Variants in CSRNP3 observed in about 807,000 individuals in gnomAD.
The protein encoded by CSRNP3 is cysteine/serine-rich nuclear protein 3.
Under a neutral mutation model 48.0 loss-of-function variants are expected in CSRNP3, and 12 were observed. The observed-to-expected ratio is 0.25, with a 90% CI of 0.16 to 0.41. CSRNP3 has a LOEUF of 0.41. Ranked by LOEUF, CSRNP3 falls within the 10% of genes least tolerant of loss-of-function variation. The pLI is 1.00. For missense variants in CSRNP3, 580 were observed against 724.4 expected (o/e 0.80, Z 2.29); for synonymous variants, 263 against 269.7 (o/e 0.98, Z 0.24).
chr2:165,635,016 C>T (rs113499550), intron 4 of CSRNP3, among the ~76,000 whole-genome samples: 1,845 of 152,300 alleles, frequency 0.012, 37 homozygotes, highest in African/African-American at 0.042. Context: ...GGGAGTGTTC[C>T]CAGACTTACA....
intron 5 of CSRNP3, among the ~76,000 whole-genome samples, chr2:165,666,193 A>C (rs1476496767): frequency 8.4e-6 from 1 of 119,586 alleles, no homozygotes; most frequent in Non-Finnish European, 1.8e-5. Context: ...GAAGGGAGGA[A>C]AGAGAGAGAG....
chr2:165,482,197 C>A (rs1684055694), intron 1 of CSRNP3, among the ~76,000 whole-genome samples: 1 of 151,940 alleles, frequency 6.6e-6, no homozygotes, highest in East Asian at 1.9e-4. Context: ...TCAGGATTCA[C>A]CATTTCCTAA....
intron 6 of CSRNP3, among the ~76,000 whole-genome samples, chr2:165,678,065 A>G (rs1323859563): frequency 2.0e-5 from 3 of 152,184 alleles, no homozygotes; most frequent in Non-Finnish European, 4.4e-5. Context: ...GCTCCAGTAC[A>G]GTACACACAC....
chr2:165,516,673 A>G (rs1046561266), intron 2 of CSRNP3, among the ~76,000 whole-genome samples: 4 of 152,148 alleles, frequency 2.6e-5, no homozygotes, highest in Non-Finnish European at 5.9e-5. Flanking sequence ...AAGTTCATCT[A>G]CCAAATCTGG....
At chr2:165,518,208 G>T (rs1459981997) in intron 3 of CSRNP3, among the ~76,000 whole-genome samples, 2 of 151,802 alleles carry the variant, frequency 1.3e-5, no homozygotes, top group Non-Finnish European at 2.9e-5. Flanking sequence ...CATTTTAAAG[G>T]GTAGCACTAT....
At chr2:165,574,609 T>C (rs573514373) in intron 3 of CSRNP3, among the ~76,000 whole-genome samples, 127 of 152,312 alleles carry the variant, frequency 8.3e-4, no homozygotes, top group African/African-American at 2.5e-3. Context: ...ATGGGTGTTT[T>C]GTTCCAATAG....
At chr2:165,606,826 G>A (rs1195095008) in intron 4 of CSRNP3, among the ~76,000 whole-genome samples, 2 of 152,026 alleles carry the variant, frequency 1.3e-5, no homozygotes, top group African/African-American at 4.8e-5. Context: ...AAACACACAC[G>A]CACAGAGAGT....
At chr2:165,568,818 CTT>C (rs997566992) in intron 3 of CSRNP3, among the ~76,000 whole-genome samples, 14 of 151,828 alleles carry the variant, frequency 9.2e-5, no homozygotes, top group South Asian at 2.1e-4. Flanking sequence ...AGTTTTGTCT[CTT>C]CTAAATTATA....
chr2:165,502,132 A>C (rs1490466466), intron 2 of CSRNP3, among the ~76,000 whole-genome samples: 1 of 152,080 alleles, frequency 6.6e-6, no homozygotes, highest in Non-Finnish European at 1.5e-5. Flanking sequence ...CCTACATACT[A>C]TGCAATTAGT....
At chr2:165,641,313 GCTAT>G (rs1686718109) in intron 4 of CSRNP3, among the ~76,000 whole-genome samples, 1 of 152,170 alleles carries the variant, frequency 6.6e-6, no homozygotes. Flanking sequence ...TTTACTGAAA[GCTAT>G]CTGTCACCTC....
chr2:165,519,677 T>A (rs916276032), intron 3 of CSRNP3, among the ~76,000 whole-genome samples: 4 of 152,126 alleles, frequency 2.6e-5, no homozygotes, highest in Non-Finnish European at 5.9e-5. Context: ...GCCTACTATG[T>A]GCATGGGGGT....
At chr2:165,519,563 T>C (rs577771778) in intron 3 of CSRNP3, among the ~76,000 whole-genome samples, 116 of 152,296 alleles carry the variant, frequency 7.6e-4, no homozygotes, top group Non-Finnish European at 2.9e-4. Flanking sequence ...AAACTTCTTA[T>C]TTGAAAAATC....
chr2:165,651,798 G>A (rs999110930), intron 4 of CSRNP3, among the ~76,000 whole-genome samples: 4 of 151,906 alleles, frequency 2.6e-5, no homozygotes, highest in African/African-American at 7.3e-5. Flanking sequence ...TGGGATTACA[G>A]GCACCTACCA....
chr2:165,477,168 G>T (rs1440037010), intron 1 of CSRNP3, among the ~76,000 whole-genome samples: 1 of 151,894 alleles, frequency 6.6e-6, no homozygotes, highest in Admixed American at 6.6e-5. Context: ...CAAAATTGGG[G>T]CATAGATCTC....
chr2:165,676,116 A>C (rs949112027), intron 5 of CSRNP3, among the ~76,000 whole-genome samples, 196 bp from the exon 6 acceptor site: 1 of 152,208 alleles, frequency 6.6e-6, no homozygotes, highest in Admixed American at 6.5e-5. Flanking sequence ...TTACCCGTAC[A>C]TTTAAAAGCC....
intron 3 of CSRNP3, among the ~76,000 whole-genome samples, chr2:165,527,450 C>G (rs1324377750): frequency 2.0e-5 from 3 of 151,908 alleles, no homozygotes; most frequent in Non-Finnish European, 1.5e-5. Context: ...CGTGATCCGT[C>G]CTGCTCAGCC....
chr2:165,626,142 G>A (rs1423632230), intron 4 of CSRNP3, among the ~76,000 whole-genome samples: 1 of 151,690 alleles, frequency 6.6e-6, no homozygotes, highest in East Asian at 1.9e-4. Flanking sequence ...AGAATCGCTT[G>A]AACTCAGGGG....
chr2:165,481,170 T>C (rs923963086), intron 1 of CSRNP3, among the ~76,000 whole-genome samples: 4 of 152,074 alleles, frequency 2.6e-5, no homozygotes, highest in Non-Finnish European at 4.4e-5. Context: ...GCACATGGTA[T>C]TGGAAAATAT....
chr2:165,590,101 T>G lies in CSRNP3; in HGVS notation c.-23-4942T>G, dbSNP rs73972105. 2.3e-3 allele frequency among the ~76,000 whole-genome samples: 350 copies of G among 152,316 alleles called. 1 individual carries two copies. Among genetic ancestry groups the G allele is most frequent in the African/African-American group, 8.0e-3 (334 of 41,572 alleles). On this transcript the variant is annotated intron_variant, in intron 3 of 6. Coordinates refer to ENST00000651982, the MANE Select transcript of CSRNP3 (RefSeq NM_001172173.2). Reference sequence around the variant, plus strand: ...CTTTACTTAAAATATCTTTTTTCTCTTCGCCCTACTCAGATATGCATGAAC... The same window carrying G: ...CTTTACTTAAAATATCTTTTTTCTCGTCGCCCTACTCAGATATGCATGAAC...
Sources: gnomAD v4.1 joint callset for allele counts (sites outside exome capture counted in the v4.1 genomes callset) on GRCh38, gnomAD v4.1.1 for gene constraint, MANE v1.5 for transcripts, NCBI Gene and HGNC (gene_info 2026-07-23, HGNC 2026-07-21) for gene names.